The following DYTN variants were observed in gnomAD, a reference collection of about 807,000 sequenced individuals.
The protein encoded by DYTN is dystrotelin.
DYTN carries 75 observed loss-of-function variants against 69.6 expected under a neutral mutation model. The observed-to-expected ratio is 1.08, with a 90% CI of 0.89 to 1.31. The LOEUF is 1.31. DYTN is among the 50% of genes most tolerant of loss of function. The pLI, the probability that DYTN is intolerant of heterozygous loss-of-function variation, is 0.00. For synonymous variants in DYTN, 252 were observed against 249.1 expected, an observed-to-expected ratio of 1.01 and a Z score of -0.11; for missense variants, 726 against 688.4, an observed-to-expected ratio of 1.05 and a Z score of -0.61.
intron 9 of DYTN, among the ~76,000 whole-genome samples, chr2:206,667,695 TGC>T (rs1339482048): frequency 8.2e-4 from 112 of 136,932 alleles, no homozygotes; most frequent in African/African-American, 3.2e-3. Context: ...ACTTTGCGTG[TGC>T]GTGTGTGTGT....
At position 206,694,794 on chromosome 2, in the gene DYTN, G is replaced by T. The variant is rs764910729; in HGVS notation, c.803C>A (p.Ser268Tyr). 3.7e-6 allele frequency: 6 copies of T among 1,609,364 alleles called. No individual in the cohort carries two copies. The highest frequency in any genetic ancestry group is 4.2e-6 in the Non-Finnish European group (5 of 1,178,676). The change falls in exon 8 of 12, where the codon TCT (serine) becomes TAT (tyrosine). Residue 268 changes from serine (S) to tyrosine (Y), a missense_variant. Coordinates refer to ENST00000452335, the MANE Select transcript of DYTN (RefSeq NM_001093730.1). ...AATGCAGTGCTCAATGACAGGATGA[G>T]ACTTCTGATGGGACTTGCTGTGAAG... ...SGLHSKSHQKSHPVIEHCIQM... is the reference protein window; with the variant it reads ...SGLHSKSHQKYHPVIEHCIQM...
At chr2:206,697,876 TTAAG>T (rs931423538) in intron 7 of DYTN, among the ~76,000 whole-genome samples, 1 of 152,204 alleles carries the variant, frequency 6.6e-6, no homozygotes, top group Non-Finnish European at 1.5e-5. Flanking sequence ...TAGGGGCGAC[TTAAG>T]TAAGTCACTC....
rs1464072304 is a variant in DYTN at position 206,694,756 on chromosome 2, T to G, written c.831+10A>C. 1.3e-6 allele frequency: 2 copies of G among 1,588,932 alleles called. No individual in the cohort carries two copies. Among genetic ancestry groups the G allele is most frequent in the Non-Finnish European group, 1.7e-6 (2 of 1,170,934 alleles). On this transcript the variant is annotated intron_variant, in intron 8 of 11. Coordinates refer to ENST00000452335, the MANE Select transcript of DYTN (RefSeq NM_001093730.1). ...TAATGAATAGTTTGGTATGTGACAT[T>G]AAATGTTACCTGAATGCAGTGCTCA...
chr2:206,709,900 T>C (rs1574604686), intron 2 of DYTN, among the ~76,000 whole-genome samples: 1 of 152,198 alleles, frequency 6.6e-6, no homozygotes, highest in Non-Finnish European at 1.5e-5. Context: ...ATACATGTTT[T>C]AGTAAAAACA....
chr2:206,697,614 A>T (rs370325936), intron 7 of DYTN, among the ~76,000 whole-genome samples: 1 of 152,240 alleles, frequency 6.6e-6, no homozygotes, highest in African/African-American at 2.4e-5. Flanking sequence ...AGTCTCAGAC[A>T]TCATTTGATC....
At chr2:206,665,539 C>G (rs977031891) in intron 10 of DYTN, among the ~76,000 whole-genome samples, 34 of 151,886 alleles carry the variant, frequency 2.2e-4, no homozygotes, top group African/African-American at 7.7e-4. Flanking sequence ...GATATAACCA[C>G]AGAACCAAAT....
At chr2:206,714,756 C>T (rs1011565950) in intron 1 of DYTN, among the ~76,000 whole-genome samples, 15 of 152,088 alleles carry the variant, frequency 9.9e-5, no homozygotes, top group African/African-American at 3.4e-4. Context: ...CTTCTGTGTC[C>T]AGTCTTGACA....
At chr2:206,686,362 A>C (rs1453827228) in intron 9 of DYTN, among the ~76,000 whole-genome samples, 1 of 152,216 alleles carries the variant, frequency 6.6e-6, no homozygotes, top group Non-Finnish European at 1.5e-5. Flanking sequence ...GAGGAGGAAA[A>C]ATAATTGTAA....
Position 206,699,732 on chromosome 2 carries a change from T to C in DYTN, c.714A>G (p.Gly238=). 6.2e-7 allele frequency: 1 copy of C among 1,612,420 alleles called. No homozygotes were observed. Among genetic ancestry groups the C allele is most frequent in the Non-Finnish European group, 8.5e-7 (1 of 1,179,312 alleles). Residue 238 remains glycine (G), a synonymous_variant, in exon 7 of 12, where the codon GGA becomes GGG. Coordinates refer to ENST00000452335, the MANE Select transcript of DYTN (RefSeq NM_001093730.1). ...AATGCTGCTGATGACTGTACCTGAGTCCCGTGATTGGGAAAGTCCTGCAGA... is the reference window on the plus strand; with the variant it reads ...AATGCTGCTGATGACTGTACCTGAGCCCCGTGATTGGGAAAGTCCTGCAGA... ...CTLCRTFPIT[G]LRYRCLKCLN... is the part of the protein sequence containing the mutation.
At chr2:206,685,167 T>C (rs1699791924) in intron 9 of DYTN, among the ~76,000 whole-genome samples, 1 of 151,290 alleles carries the variant, frequency 6.6e-6, no homozygotes, top group African/African-American at 2.4e-5. Context: ...TATTTATTTA[T>C]TTATTTATTT....
intron 9 of DYTN, among the ~76,000 whole-genome samples, chr2:206,692,430 C>A (rs4578845): frequency 6.6e-6 from 1 of 152,232 alleles, no homozygotes; most frequent in East Asian, 1.9e-4. Context: ...CTGTGCCCCT[C>A]TGGAGCACAA....
chr2:206,700,237 T>G (rs1699963083), intron 5 of DYTN, 21 bp from the exon 6 acceptor site: 1 of 1,613,072 alleles, frequency 6.2e-7, no homozygotes, highest in Non-Finnish European at 8.5e-7. Flanking sequence ...CAACCTCATC[T>G]TAGCTGTTAG....
chr2:206,667,998 CCAGA>C (rs1225509529), intron 9 of DYTN, among the ~76,000 whole-genome samples: 2 of 152,158 alleles, frequency 1.3e-5, no homozygotes, highest in African/African-American at 4.8e-5. Flanking sequence ...CCTCTAACTT[CCAGA>C]CAGTCACACA....
chr2:206,676,077 G>A lies in DYTN; in HGVS notation c.981-10048C>T, dbSNP rs182103746. Among the ~76,000 whole-genome samples the A allele has an allele frequency of 3.9e-4, 60 of 152,100 alleles. 1 individual carries two copies. Among genetic ancestry groups the A allele is most frequent in the Non-Finnish European group, 1.5e-5 (1 of 68,010 alleles). On this transcript the variant is annotated intron_variant, in intron 9 of 11. Transcript: ENST00000452335. ...ATTTGACCCAGCAATCCCATTACTG[G>A]GTATAAACCCAAAGGATTATAAATC...
In DYTN at chr2:206,681,936, G is replaced by A. The variant is rs527404378; in HGVS notation, c.980+11239C>T. Reference sequence around the variant, plus strand: ...CCCTGCTTTTCAATAGTTTGGAATAGTTTCAGAAGGAATGGTACCAGCTCC... The same window carrying A: ...CCCTGCTTTTCAATAGTTTGGAATAATTTCAGAAGGAATGGTACCAGCTCC... On this transcript the variant is annotated intron_variant, in intron 9 of 11. Coordinates refer to ENST00000452335, the MANE Select transcript of DYTN (RefSeq NM_001093730.1). 2.0e-5 allele frequency among the ~76,000 whole-genome samples: 3 copies of A among 152,294 alleles called. No individual in the cohort carries two copies. In the South Asian group the frequency reaches 6.2e-4, roughly 32 times the overall value.
chr2:206,678,157 G>A (rs1699710558), intron 9 of DYTN, among the ~76,000 whole-genome samples: 1 of 152,230 alleles, frequency 6.6e-6, no homozygotes, highest in South Asian at 2.1e-4. Context: ...AAAAACGGCA[G>A]CAGGTGCTGA....
intron 9 of DYTN, among the ~76,000 whole-genome samples, chr2:206,691,960 T>A (rs1699867684): frequency 6.6e-6 from 1 of 152,126 alleles, no homozygotes; most frequent in South Asian, 2.1e-4. Flanking sequence ...AAAATGGAAG[T>A]GAATAAATAT....
chr2:206,680,695 C>G (rs1483711688), intron 9 of DYTN, among the ~76,000 whole-genome samples: 1 of 152,068 alleles, frequency 6.6e-6, no homozygotes, highest in Non-Finnish European at 1.5e-5. Flanking sequence ...CTCCAAGGGC[C>G]AAATCTTGTG....
At chr2:206,709,448 TACACACACACAG>T (rs1700058560) in intron 2 of DYTN, among the ~76,000 whole-genome samples, 1 of 151,194 alleles carries the variant, frequency 6.6e-6, no homozygotes, top group South Asian at 2.1e-4. Flanking sequence ...GACCCCAGCT[TACACACACACAG>T]ACACACACAC....
Sources: gnomAD v4.1 joint callset for allele counts (sites outside exome capture counted in the v4.1 genomes callset) on GRCh38, gnomAD v4.1.1 for gene constraint, MANE v1.5 for transcripts, NCBI Gene and HGNC (gene_info 2026-07-23, HGNC 2026-07-21) for gene names.